CR2: variants seen among roughly 807,000 people sequenced by gnomAD.
CR2 encodes complement C3d receptor 2.
Under a neutral mutation model 123.0 loss-of-function variants are expected in CR2, and 96 were observed. That is an observed-to-expected ratio of 0.78 (90% CI 0.66 to 0.93). CR2 has a LOEUF of 0.93. CR2 is among the 40% of genes least tolerant of loss of function. The pLI, the probability that CR2 is intolerant of heterozygous loss-of-function variation, is 0.00. For missense variants in CR2, 1,258 were observed against 1,361.0 expected (o/e 0.92, Z 1.19); for synonymous variants, 484 against 469.5 (o/e 1.03, Z -0.40).
At chr1:207,466,457 T>C (rs909378431) in intron 1 of CR2, 69 bp from the exon 2 acceptor site, 3 of 1,560,772 alleles carry the variant, frequency 1.9e-6, no homozygotes, top group African/African-American at 2.7e-5. Flanking sequence ...TATTTGGATA[T>C]TTTACCTACA....
intron 19 of CR2, among the ~76,000 whole-genome samples, chr1:207,487,607 C>G (rs1261603242): frequency 6.6e-6 from 1 of 152,066 alleles, no homozygotes. Flanking sequence ...AAGTAAAGTG[C>G]TAGTAAGAGT....
At chr1:207,487,100 G>T (rs1242569747) in intron 19 of CR2, among the ~76,000 whole-genome samples, 1 of 152,182 alleles carries the variant, frequency 6.6e-6, no homozygotes, top group Non-Finnish European at 1.5e-5. Flanking sequence ...AACATTAGAA[G>T]TCATGGAGTG....
chr1:207,477,012 G>A (rs1658459775), intron 15 of CR2, among the ~76,000 whole-genome samples: 1 of 152,186 alleles, frequency 6.6e-6, no homozygotes, highest in Non-Finnish European at 1.5e-5. Context: ...TTATAGATGA[G>A]GTTTCAGTAG....
chr1:207,473,852 G>T lies in CR2; in HGVS notation c.2207G>T (p.Arg736Leu). ...CTTCAAGAACTTCCAGCTGGTTCAC[G>T]TGTGGAGCTAGTTAATACGTCCTGC... ...QSLQELPAGSRVELVNTSCQD... is the reference protein window; with the variant it reads ...QSLQELPAGSLVELVNTSCQD... Residue 736 changes from arginine (R) to leucine (L), a missense_variant, in exon 12 of 20, where the codon CGT (arginine) becomes CTT (leucine). Physicochemically the swap from Arg to Leu is moderately radical, Grantham distance 102. Coordinates refer to ENST00000367057, the MANE Select transcript of CR2 (RefSeq NM_001006658.3). 1 of 1,613,930 alleles carries T rather than the reference G, an allele frequency of 6.2e-7. No homozygotes were observed. Among genetic ancestry groups the T allele is most frequent in the Non-Finnish European group, 8.5e-7 (1 of 1,179,880 alleles).
chr1:207,474,584 T>C (rs1658382322), intron 13 of CR2, among the ~76,000 whole-genome samples: 1 of 152,224 alleles, frequency 6.6e-6, no homozygotes. Context: ...GGAACATAGC[T>C]GTATTTCTTT....
rs751187854 is a variant in CR2 at position 207,485,450 on chromosome 1, C to T, written c.3189-14C>T. On this transcript the variant is annotated splice_polypyrimidine_tract_variant and intron_variant, in intron 18 of 19. Transcript: ENST00000367057. ...GAGTAAAGATATTACATTTTTCTTT[C>T]TTCTTCTGTTTAGCAATTATTATAC... The T allele has an allele frequency of 6.6e-7, 1 of 1,526,052 alleles. No homozygotes were observed. Among genetic ancestry groups the T allele is most frequent in the Non-Finnish European group, 9.1e-7 (1 of 1,100,122 alleles). 94.5% of individuals were successfully genotyped at this position (1,526,052 alleles called of 1,614,324 possible). A position where few individuals can be genotyped will look rare whatever the true frequency, so the allele number is the denominator to read the frequency against.
At chr1:207,480,083 C>G (rs780602517) in intron 18 of CR2, 30 bp downstream of exon 18, 2 of 1,517,782 alleles carry the variant, frequency 1.3e-6, no homozygotes, top group East Asian at 4.5e-5. Context: ...CTTGATTGAC[C>G]AACATGCACA....
Position 207,474,873 on chromosome 1 carries a change from C to T in CR2, c.2373C>T (p.Gly791=). The part of the protein sequence containing the change: ...PPVIVNGKHT[G]MMAENFLYGN... ...TGATTGTCAATGGGAAGCACACAGG[C>T]ATGATGGCAGAAAACTTTCTATATG... Residue 791 remains glycine (G), a synonymous_variant, in exon 14 of 20, where the codon GGC becomes GGT. Transcript: ENST00000367057. The T allele has an allele frequency of 1.2e-6, 2 of 1,613,998 alleles. No individual in the cohort carries two copies. Among genetic ancestry groups the T allele is most frequent in the Non-Finnish European group, 1.7e-6 (2 of 1,179,936 alleles).
In CR2 at chr1:207,485,469, A is replaced by G; in HGVS notation, c.3194A>G (p.Tyr1065Cys). ...TTCTTTCTTCTTCTGTTTAGCAATTATTATACAGATACAAGCCAGAAAGAA... is the reference window on the plus strand; with the variant it reads ...TTCTTTCTTCTTCTGTTTAGCAATTGTTATACAGATACAAGCCAGAAAGAA... Reference protein sequence around the residue: ...YVISKHRARNYYTDTSQKEAF... With the variant: ...YVISKHRARNCYTDTSQKEAF... The change falls in exon 19 of 20, where the codon TAT (tyrosine) becomes TGT (cysteine). Residue 1065 changes from tyrosine to cysteine, a missense_variant. By Grantham distance (194) the Tyr-to-Cys change is radical (BLOSUM62 -2). Coordinates refer to ENST00000367057, the MANE Select transcript of CR2 (RefSeq NM_001006658.3). The G allele has an allele frequency of 6.3e-7, 1 of 1,594,438 alleles. No homozygotes were observed.
rs753584280 is a variant in CR2, at chr1:207,466,587, C to T, written c.120C>T (p.Pro40=). The part of the protein sequence containing the change: ...LNGRISYYST[P]IAVGTVIRYS... ...GCCGGATTAGTTATTATTCTACCCC[C>T]ATTGCTGTTGGTACCGTGATAAGGT... The change falls in exon 2 of 20, where the codon CCC becomes CCT. Residue 40 remains proline (P), a synonymous_variant. Coordinates refer to ENST00000367057, the MANE Select transcript of CR2 (RefSeq NM_001006658.3). 1.9e-6 allele frequency: 3 copies of T among 1,614,098 alleles called. No individual in the cohort carries two copies. The highest frequency in any genetic ancestry group is 1.7e-4 in the Middle Eastern group (1 of 6,060).
chr1:207,459,194 G>A (rs2102295591), intron 1 of CR2, among the ~76,000 whole-genome samples: 1 of 152,248 alleles, frequency 6.6e-6, no homozygotes, highest in Middle Eastern at 3.4e-3. Context: ...GTTCTTGTAG[G>A]GTTGCAGTGG....
chr1:207,474,387 A>G, intron 13 of CR2, 64 bp downstream of exon 13: 1 of 1,189,688 alleles, frequency 8.4e-7, no homozygotes, highest in South Asian at 1.2e-5. Flanking sequence ...AGGCCACTGA[A>G]GAATTAGTCT....
In CR2 at chr1:207,473,163, A is replaced by G. The variant is rs376587591; in HGVS notation, c.1962A>G (p.Ile654Met). ...CKADNTWDPE[I>M]PVCEKGCQSP... ...CTGATAACACCTGGGATCCTGAAATACCAGTTTGTGAAAAAGGTAAAAACC... is the reference window on the plus strand; with the variant it reads ...CTGATAACACCTGGGATCCTGAAATGCCAGTTTGTGAAAAAGGTAAAAACC... The change falls in exon 10 of 20, where the codon ATA (isoleucine) becomes ATG (methionine). Residue 654 changes from isoleucine to methionine, a missense_variant. Transcript: ENST00000367057. The G allele has an allele frequency of 4.3e-6, 7 of 1,613,750 alleles. No homozygotes were observed. Among genetic ancestry groups the G allele is most frequent in the African/African-American group, 1.3e-5 (1 of 74,898 alleles).
chr1:207,480,774 C>T, intron 18 of CR2, among the ~76,000 whole-genome samples: 1 of 152,036 alleles, frequency 6.6e-6, no homozygotes. Flanking sequence ...TTTGCCTGTT[C>T]CATTACAAAC....
Position 207,469,955 on chromosome 1 carries a change from C to A in CR2, c.1078C>A (p.Arg360=). 6.2e-7 allele frequency: 1 copy of A among 1,613,880 alleles called. No homozygotes were observed. The highest frequency in any genetic ancestry group is 8.5e-7 in the Non-Finnish European group (1 of 1,179,916). Residue 360 remains arginine, a synonymous_variant, in exon 6 of 20, where the codon CGA becomes AGA. Transcript: ENST00000367057. ...TCCACATCCCCAGATCCTAAGAGGC[C>A]GAATGGTATCTGGGCAGAAAGATCG... The part of the protein sequence containing the change: ...QCPHPQILRG[R]MVSGQKDRYT...
intron 16 of CR2, among the ~76,000 whole-genome samples, 180 bp from the exon 17 acceptor site, chr1:207,479,077 G>A (rs1658527149): frequency 6.6e-6 from 1 of 152,054 alleles, no homozygotes; most frequent in Non-Finnish European, 1.5e-5. Flanking sequence ...TCCCACCTTG[G>A]CCTCTCAAAG....
chr1:207,475,169 A>T lies in CR2; in HGVS notation c.2669A>T (p.His890Leu). ...IMNGSRVIRC[H>L]TDNTWVPGVP... ...AATGGTAGTCGCGTGATTAGGTGTC[A>T]TACTGATAACACATGGGTGCCAGGT... The change falls in exon 14 of 20, where the codon CAT (histidine) becomes CTT (leucine). Residue 890 changes from histidine (H) to leucine (L), a missense_variant. Coordinates refer to ENST00000367057, the MANE Select transcript of CR2 (RefSeq NM_001006658.3). The T allele has an allele frequency of 4.3e-6, 7 of 1,613,602 alleles. No homozygotes were observed. The highest frequency in any genetic ancestry group is 5.9e-6 in the Non-Finnish European group (7 of 1,179,818).
At chr1:207,478,112 G>A (rs764481024) in intron 16 of CR2, 42 bp downstream of exon 16, 21 of 1,590,316 alleles carry the variant, frequency 1.3e-5, no homozygotes, top group African/African-American at 5.4e-5. Flanking sequence ...ACTGGCTAAC[G>A]GAGAGAAGAG....
Position 207,454,993 on chromosome 1 carries a change from T to C in CR2, c.58+517T>C, listed in dbSNP as rs1008705459. ...TCCCAAGCATGGGTCTCAGATTTTC[T>C]GAACTCTAATGTGATATTGGTAGAG... On this transcript the variant is annotated intron_variant, in intron 1 of 19. Transcript: ENST00000367057. The surrounding 1 kb of genome is among the most constrained non-coding windows in gnomAD (Gnocchi z 4.3). 6.5e-6 allele frequency: 1 copy of C among 154,578 alleles called. No individual in the cohort carries two copies. Among genetic ancestry groups the C allele is most frequent in the Non-Finnish European group, 1.4e-5 (1 of 69,586 alleles). 9.6% of individuals were successfully genotyped at this position (154,578 alleles called of 1,614,324 possible). A position where few individuals can be genotyped will look rare whatever the true frequency, so the allele number is the denominator to read the frequency against.
Sources: gnomAD v4.1 joint callset for allele counts (sites outside exome capture counted in the v4.1 genomes callset) on GRCh38, gnomAD v4.1.1 for gene constraint, Gnocchi (gnomAD v3.1) non-coding constraint, MANE v1.5 for transcripts, NCBI Gene and HGNC (gene_info 2026-07-23, HGNC 2026-07-21) for gene names.